Variants in HERC2 observed in about 807,000 individuals in gnomAD.
HERC2 encodes E3 ubiquitin-protein ligase HERC2.
In HERC2, 102 loss-of-function variants were observed where a neutral mutation model predicts 537.7. The ratio of observed to expected loss-of-function variants is 0.19; its 90% confidence interval spans 0.16 to 0.22. HERC2 has a LOEUF of 0.22. Ranked by LOEUF, HERC2 falls within the 10% of genes least tolerant of loss-of-function variation. The probability of loss-of-function intolerance (pLI) is 1.00; values close to 1 mark genes in which losing one functional copy is unlikely to be tolerated. For missense variants in HERC2, 4,236 were observed against 6,198.2 expected (o/e 0.68, Z 10.63); for synonymous variants, 2,224 against 2,466.2 (o/e 0.90, Z 2.91).
chr15:28,297,050 G>T (rs558602818), intron 3 of HERC2, among the ~76,000 whole-genome samples: 1 of 152,242 alleles, frequency 6.6e-6, no homozygotes, highest in African/African-American at 2.4e-5. Flanking sequence ...ACTTTGAAGG[G>T]CCTAATGAAT....
chr15:28,274,295 T>A lies in HERC2; in HGVS notation c.796A>T (p.Thr266Ser). 6.2e-7 allele frequency: 1 copy of A among 1,614,136 alleles called. No homozygotes were observed. Among genetic ancestry groups the A allele is most frequent in the Middle Eastern group, 1.6e-4 (1 of 6,062 alleles). ...GCAAGAAAGGAAAGAACTCACCCCG[T>A]CACGACGGACCTGAGGAACCTGGTC... ...RATRFLRSVV[T>S]GDVHGTPATK... Residue 266 changes from threonine (T) to serine (S), a missense_variant, in exon 7 of 93, where the codon ACG (threonine) becomes TCG (serine). Transcript: ENST00000261609.
chr15:28,152,902 C>G, intron 69 of HERC2, 72 bp from the exon 70 acceptor site: 1 of 1,453,478 alleles, frequency 6.9e-7, no homozygotes, highest in South Asian at 1.3e-5. Context: ...GCCACCTCTG[C>G]CCGTCCTGCT....
At chr15:28,138,539 G>T (rs1890880914) in intron 78 of HERC2, among the ~76,000 whole-genome samples, 1 of 151,984 alleles carries the variant, frequency 6.6e-6, no homozygotes, top group South Asian at 2.1e-4. Flanking sequence ...TTTGTTTACA[G>T]CATGGTTCAC....
At chr15:28,299,862 G>C (rs1053103114) in intron 2 of HERC2, among the ~76,000 whole-genome samples, 1 of 151,908 alleles carries the variant, frequency 6.6e-6, no homozygotes, top group Non-Finnish European at 1.5e-5. Flanking sequence ...GACCAGCCTG[G>C]CCAACACGGT....
intron 69 of HERC2, 69 bp downstream of exon 69, chr15:28,163,025 C>T: frequency 7.4e-7 from 1 of 1,353,840 alleles, no homozygotes; most frequent in East Asian, 2.3e-5. Flanking sequence ...AGCAGCTCTC[C>T]TTTGGAGAGG....
intron 25 of HERC2, 66 bp downstream of exon 25, chr15:28,238,048 C>G: frequency 1.1e-6 from 1 of 939,316 alleles, no homozygotes. Context: ...TCCAAATATT[C>G]CTATCACAAA....
In HERC2 at chr15:28,229,453, G is replaced by A. The variant is rs1033225144; in HGVS notation, c.5120+7C>T. ...TTAATTAAGAAAAAAATATGCTAACGTTTTACCCTATATCGATTCCCTCAG... is the reference window on the plus strand; with the variant it reads ...TTAATTAAGAAAAAAATATGCTAACATTTTACCCTATATCGATTCCCTCAG... On this transcript the variant is annotated splice_region_variant and intron_variant, in intron 33 of 92. Coordinates refer to ENST00000261609, the MANE Select transcript of HERC2 (RefSeq NM_004667.6). The A allele has an allele frequency of 2.5e-6, 4 of 1,613,424 alleles. No homozygotes were observed. The highest frequency in any genetic ancestry group is 2.7e-5 in the African/African-American group (2 of 74,896).
chr15:28,172,061 G>A (rs1391969912), intron 65 of HERC2, among the ~76,000 whole-genome samples: 1 of 145,910 alleles, frequency 6.9e-6, no homozygotes, highest in Non-Finnish European at 1.5e-5. Flanking sequence ...GCGACAGAGC[G>A]AGACTCCGTC....
Position 28,215,777 on chromosome 15 carries a change from C to T in HERC2, c.6054G>A (p.Arg2018=), listed in dbSNP as rs771227551. 2.0e-5 allele frequency: 33 copies of T among 1,611,270 alleles called. No individual in the cohort carries two copies. The highest frequency in any genetic ancestry group is 2.8e-5 in the Non-Finnish European group (33 of 1,179,486). The change falls in exon 39 of 93, where the codon AGG becomes AGA. Residue 2018 remains arginine (R), a synonymous_variant. Transcript: ENST00000261609. ...KTSSPNRLVY[R]EQHRSWCTLG... is the part of the protein sequence containing the mutation. Reference sequence around the variant, plus strand: ...GCGTGCACCAGCTCCGGTGTTGCTCCCTGTACACCAGCCTGTTTGGAGAAG... The same window carrying T: ...GCGTGCACCAGCTCCGGTGTTGCTCTCTGTACACCAGCCTGTTTGGAGAAG...
At chr15:28,273,071 CTAA>C in intron 7 of HERC2, 67 bp from the exon 8 acceptor site, 1 of 1,129,212 alleles carries the variant, frequency 8.9e-7, no homozygotes, top group Non-Finnish European at 1.3e-6. Flanking sequence ...TACAATCACA[CTAA>C]CACATTTACT....
intron 44 of HERC2, among the ~76,000 whole-genome samples, chr15:28,206,714 T>C (rs535480123): frequency 3.3e-5 from 5 of 150,976 alleles, no homozygotes; most frequent in Non-Finnish European, 7.4e-5. Context: ...GCGCCTGTAG[T>C]CCCAGCTACT....
At chr15:28,312,627 TA>T (rs1338535207) in intron 2 of HERC2, 4 of 157,638 alleles carry the variant, frequency 2.5e-5, no homozygotes, top group South Asian at 2.0e-4. Flanking sequence ...ACCCTATTCA[TA>T]AAAAAAATAA....
At chr15:28,154,782 ATACTTT>A (rs949681100) in intron 69 of HERC2, among the ~76,000 whole-genome samples, 23 of 152,260 alleles carry the variant, frequency 1.5e-4, no homozygotes, top group African/African-American at 5.3e-4. Context: ...TTTTTTTATT[ATACTTT>A]AAGTTCTAGG....
chr15:28,318,543 G>A (rs1389904218), intron 2 of HERC2, among the ~76,000 whole-genome samples: 7 of 152,030 alleles, frequency 4.6e-5, no homozygotes, highest in Non-Finnish European at 1.0e-4. Context: ...CAGGAGAATG[G>A]CATGAACCCA....
At chr15:28,227,988 G>A (rs560226359) in intron 35 of HERC2, among the ~76,000 whole-genome samples, 2 of 152,208 alleles carry the variant, frequency 1.3e-5, no homozygotes, top group African/African-American at 4.8e-5. Context: ...TAAATGGTGT[G>A]CATTTATAGT....
At chr15:28,156,888 T>G (rs1484647371) in intron 69 of HERC2, among the ~76,000 whole-genome samples, 1 of 152,196 alleles carries the variant, frequency 6.6e-6, no homozygotes, top group African/African-American at 2.4e-5. Context: ...GGCTGTGGGT[T>G]TGTCATAAAT....
chr15:28,207,392 T>TC (rs1363914620), intron 44 of HERC2, among the ~76,000 whole-genome samples: 1 of 152,198 alleles, frequency 6.6e-6, no homozygotes, highest in African/African-American at 2.4e-5. Context: ...CGCCTCGGCA[T>TC]CCCAAAGTGT....
chr15:28,315,061 T>C (rs2141300304), intron 2 of HERC2, among the ~76,000 whole-genome samples: 1 of 152,344 alleles, frequency 6.6e-6, no homozygotes, highest in South Asian at 2.1e-4. Flanking sequence ...CCTATGTTAC[T>C]GCCACCTCTT....
rs765532329 is a variant in HERC2, at chr15:28,177,078, G to A, written c.9304C>T (p.Arg3102Trp). 3 of 1,613,704 alleles carry A rather than the reference G, an allele frequency of 1.9e-6. No homozygotes were observed. Among genetic ancestry groups the A allele is most frequent in the East Asian group, 2.2e-5 (1 of 44,848 alleles). ...TGCGAGCTCCCACAGGCGATATCCC[G>A]GATACGCTTGGTTTTCAGGGCCTCG... ...LIEALKTKRIRDIACGSSHSA... is the reference protein window; with the variant it reads ...LIEALKTKRIWDIACGSSHSA... Residue 3102 changes from arginine to tryptophan, a missense_variant, in exon 61 of 93, where the codon CGG becomes TGG. Arg to Trp is a moderately radical substitution (Grantham distance 101). Coordinates refer to ENST00000261609, the MANE Select transcript of HERC2 (RefSeq NM_004667.6). The surrounding 1 kb of genome is among the most constrained non-coding windows in gnomAD (Gnocchi z 5.0).
Sources: gnomAD v4.1 joint callset for allele counts (sites outside exome capture counted in the v4.1 genomes callset) on GRCh38, gnomAD v4.1.1 for gene constraint, Gnocchi (gnomAD v3.1) non-coding constraint, MANE v1.5 for transcripts, NCBI Gene and HGNC (gene_info 2026-07-23, HGNC 2026-07-21) for gene names.